The following NARF variants were observed in gnomAD, a reference collection of about 807,000 sequenced individuals.
NARF encodes nuclear prelamin A recognition factor.
In NARF, 41 loss-of-function variants were observed where a neutral mutation model predicts 48.0. The ratio of observed to expected loss-of-function variants is 0.85; its 90% CI spans 0.66 to 1.11. NARF has a LOEUF of 1.11. Ranked by LOEUF, NARF falls within the 50% of genes least tolerant of loss-of-function variation. The pLI, the probability that NARF is intolerant of heterozygous loss-of-function variation, is 0.00. For missense variants in NARF, 613 were observed against 590.2 expected (o/e 1.04, Z -0.40); for synonymous variants, 215 against 225.5 (o/e 0.95, Z 0.42).
intron 2 of NARF, 61 bp from the exon 3 acceptor site, chr17:82,464,226 C>G: frequency 1.3e-6 from 2 of 1,572,568 alleles, no homozygotes; most frequent in Non-Finnish European, 1.7e-6. Flanking sequence ...GTTACCCTCT[C>G]TAAAGAAGCA....
At chr17:82,478,459 T>C (rs892813387) in intron 5 of NARF, 1 of 400,302 alleles carries the variant, frequency 2.5e-6, no homozygotes, top group African/African-American at 2.0e-5. Context: ...GGCCAGGCGA[T>C]TTTGCACGGT....
chr17:82,471,785 C>T (rs1856373329), intron 4 of NARF, among the ~76,000 whole-genome samples: 1 of 54,198 alleles, frequency 1.8e-5, no homozygotes, highest in Non-Finnish European at 3.2e-5. Context: ...GAGTGAGACT[C>T]CGTCTCAAAA....
At position 82,484,808 on chromosome 17, in the gene NARF, G is replaced by C. The variant is rs772317996; in HGVS notation, c.834-5G>C. Reference sequence around the variant, plus strand: ...GAAGGACTTGTATTTTCTCTGCCTTGTGAGGTTTGGAGACTTGAAGGAGGA... The same window carrying C: ...GAAGGACTTGTATTTTCTCTGCCTTCTGAGGTTTGGAGACTTGAAGGAGGA... On this transcript the variant is annotated splice_polypyrimidine_tract_variant and splice_region_variant and intron_variant, in intron 8 of 10. Transcript: ENST00000309794. The C allele has an allele frequency of 2.5e-6, 4 of 1,591,180 alleles. No individual in the cohort carries two copies. The East Asian group carries it at 9.1e-5, about 36-fold the overall frequency.
chr17:82,478,976 G>C (rs2043898801), intron 6 of NARF, 58 bp downstream of exon 6: 1 of 1,507,878 alleles, frequency 6.6e-7, no homozygotes, highest in Middle Eastern at 1.8e-4. Flanking sequence ...ATGGCACAGG[G>C]GCCCAGGAAG....
intron 7 of NARF, 76 bp downstream of exon 7, chr17:82,481,287 T>C (rs2043959657): frequency 6.3e-7 from 1 of 1,585,260 alleles, no homozygotes; most frequent in African/African-American, 1.3e-5. Context: ...GCCAGGCAGA[T>C]CTGTGTCCCA....
chr17:82,473,201 A>G (rs1450618130), intron 5 of NARF, among the ~76,000 whole-genome samples: 1 of 152,034 alleles, frequency 6.6e-6, no homozygotes, highest in Non-Finnish European at 1.5e-5. Context: ...TCGGGCTCCC[A>G]AAGTGCTGGG....
In NARF at chr17:82,468,853, A is replaced by G; in HGVS notation, c.342A>G (p.Val114=). 6.2e-7 allele frequency: 1 copy of G among 1,614,126 alleles called. No homozygotes were observed. The highest frequency in any genetic ancestry group is 8.5e-7 in the Non-Finnish European group (1 of 1,179,968). ...PYFAAKFNLS[V]TDASRRLCGF... ...TTGCTGCTAAATTCAACCTCAGTGT[A>G]ACTGATGCATCCAGAAGACTCTGTG... The change falls in exon 4 of 11, where the codon GTA becomes GTG. Residue 114 remains valine (V), a synonymous_variant. Coordinates refer to ENST00000309794, the MANE Select transcript of NARF (RefSeq NM_012336.4).
At chr17:82,483,314 C>T in intron 7 of NARF, 2 of 327,328 alleles carry the variant, frequency 6.1e-6, no homozygotes, top group Non-Finnish European at 6.0e-6. Context: ...GGTGAGACTC[C>T]ATCTCAAAAA....
chr17:82,459,131 G>T, intron 1 of NARF: 2 of 1,164,574 alleles, frequency 1.7e-6, no homozygotes, highest in Non-Finnish European at 2.1e-6. Context: ...CGAGTAAACA[G>T]CGGTCGTGGC....
chr17:82,485,089 T>G, intron 9 of NARF, 139 bp downstream of exon 9: 1 of 1,156,756 alleles, frequency 8.6e-7, no homozygotes, highest in Non-Finnish European at 1.2e-6. Flanking sequence ...TTGTGTTTAT[T>G]CAGACCTTTT....
chr17:82,464,521 G>C, intron 3 of NARF, 91 bp downstream of exon 3: 1 of 1,453,402 alleles, frequency 6.9e-7, no homozygotes, highest in East Asian at 2.4e-5. Flanking sequence ...GCCTCTGCTG[G>C]GACATCGGAT....
At chr17:82,483,105 G>A (rs2044011383) in intron 7 of NARF, 2 of 167,242 alleles carry the variant, frequency 1.2e-5, no homozygotes, top group South Asian at 1.1e-4. Flanking sequence ...GTCACCTGAG[G>A]TCAGGAGTTC....
chr17:82,486,150 G>A (rs892601219), intron 10 of NARF, among the ~76,000 whole-genome samples: 6 of 152,170 alleles, frequency 3.9e-5, no homozygotes, highest in Non-Finnish European at 8.8e-5. Context: ...GATCATCCAG[G>A]CAAGTGAGGA....
chr17:82,480,997 C>A, intron 6 of NARF, 85 bp from the exon 7 acceptor site: 1 of 1,544,280 alleles, frequency 6.5e-7, no homozygotes, highest in Non-Finnish European at 8.9e-7. Context: ...GGCATTCGGT[C>A]TCCCATCCCT....
At chr17:82,480,878 G>A in intron 6 of NARF, 1 of 632,364 alleles carries the variant, frequency 1.6e-6, no homozygotes, top group South Asian at 1.9e-5. Context: ...TTTGCAGTGA[G>A]CTGAGATCAC....
chr17:82,461,278 T>C (rs1214097725), intron 2 of NARF, among the ~76,000 whole-genome samples: 2 of 152,092 alleles, frequency 1.3e-5, no homozygotes, highest in Non-Finnish European at 2.9e-5. Flanking sequence ...AGCTATGGTC[T>C]CTGTTTATTG....
chr17:82,458,683 T>C, upstream of NARF: 2 of 1,311,896 alleles, frequency 1.5e-6, no homozygotes, highest in South Asian at 3.4e-5. Flanking sequence ...GCGCGGCCGT[T>C]GGGGGTGAGG....
At chr17:82,464,135 T>A in intron 2 of NARF, 152 bp from the exon 3 acceptor site, 1 of 965,206 alleles carries the variant, frequency 1.0e-6, no homozygotes, top group Non-Finnish European at 1.5e-6. Flanking sequence ...TGGCAGAGAC[T>A]GTCCTGCTTC....
chr17:82,481,770 C>T, intron 7 of NARF: 1 of 432,390 alleles, frequency 2.3e-6, no homozygotes, highest in South Asian at 1.7e-5. Context: ...CTGGGAGAAC[C>T]ACTTGGGCAG....
Sources: gnomAD v4.1 joint callset for allele counts (sites outside exome capture counted in the v4.1 genomes callset) on GRCh38, gnomAD v4.1.1 for gene constraint, MANE v1.5 for transcripts, NCBI Gene and HGNC (gene_info 2026-07-23, HGNC 2026-07-21) for gene names.